The following ZNF804A variants were observed in gnomAD, a reference collection of about 807,000 sequenced individuals.
ZNF804A encodes zinc finger protein 804A.
A neutral mutation model predicts 16.5 loss-of-function variants in ZNF804A; 2 were observed. The ratio of observed to expected loss-of-function variants is 0.12; its 90% CI spans 0.05 to 0.38. ZNF804A has a LOEUF of 0.38. ZNF804A is among the 10% of genes least tolerant of loss of function. The pLI is 0.99. For synonymous variants in ZNF804A, 534 were observed against 489.6 expected (o/e 1.09, Z -1.20); for missense variants, 1,473 against 1,390.7 (o/e 1.06, Z -0.94).
At chr2:184,922,231 G>T (rs1413853816) in intron 2 of ZNF804A, among the ~76,000 whole-genome samples, 2 of 152,006 alleles carry the variant, frequency 1.3e-5, no homozygotes, top group African/African-American at 4.8e-5. Context: ...GTGTACAAGG[G>T]TTCCTTTTCC....
chr2:184,736,535 G>A (rs1006805864), intron 1 of ZNF804A, among the ~76,000 whole-genome samples: 2 of 152,024 alleles, frequency 1.3e-5, no homozygotes, highest in African/African-American at 4.8e-5. Context: ...GTTCAACGAT[G>A]GGAACACATG....
At chr2:184,926,308 T>C (rs1685612278) in intron 2 of ZNF804A, among the ~76,000 whole-genome samples, 1 of 151,934 alleles carries the variant, frequency 6.6e-6, no homozygotes, top group African/African-American at 2.4e-5. Flanking sequence ...CCTTAAGCAC[T>C]TTAAATACAT....
intron 1 of ZNF804A, among the ~76,000 whole-genome samples, chr2:184,785,941 C>T (rs72903735): frequency 0.05 from 7,632 of 152,026 alleles, 251 homozygotes; most frequent in Middle Eastern, 0.078. Flanking sequence ...CCAGCAGAAT[C>T]TGGGGCAGAA....
chr2:184,927,257 C>T (rs902719815), intron 2 of ZNF804A, among the ~76,000 whole-genome samples: 12 of 152,208 alleles, frequency 7.9e-5, no homozygotes, highest in African/African-American at 2.4e-4. Flanking sequence ...AGAGATACCA[C>T]CTCCAAGGTC....
At chr2:184,929,095 G>A (rs1235589125) in intron 2 of ZNF804A, among the ~76,000 whole-genome samples, 2 of 152,126 alleles carry the variant, frequency 1.3e-5, no homozygotes, top group African/African-American at 4.8e-5. Flanking sequence ...GATTAGTGGA[G>A]CCTTCTATTC....
chr2:184,847,170 C>T (rs1695532651), intron 1 of ZNF804A, among the ~76,000 whole-genome samples: 1 of 152,086 alleles, frequency 6.6e-6, no homozygotes, highest in South Asian at 2.1e-4. Flanking sequence ...CTCAATTTAG[C>T]TCGCCAGAGG....
chr2:184,861,973 T>C (rs753534040), intron 1 of ZNF804A, among the ~76,000 whole-genome samples: 1 of 152,172 alleles, frequency 6.6e-6, no homozygotes, highest in Non-Finnish European at 1.5e-5. Flanking sequence ...TACATATATG[T>C]AAAAAGTGCT....
chr2:184,680,655 T>C (rs1252536208), intron 1 of ZNF804A, among the ~76,000 whole-genome samples: 2 of 152,252 alleles, frequency 1.3e-5, no homozygotes, highest in African/African-American at 2.4e-5. Context: ...AACACCTCTT[T>C]GTCTTGCTCA....
In ZNF804A at chr2:184,937,319, G is replaced by T. The variant is rs769617739; in HGVS notation, c.1923G>T (p.Lys641Asn). ...GKYLLEPISE[K>N]QYLAAEQLLD... ...ATCTATTGGAACCAATTTCAGAAAA[G>T]CAGTATTTAGCTGCAGAGCAATTAT... The change falls in exon 4 of 4, where the codon AAG (lysine) becomes AAT (asparagine). Residue 641 changes from lysine (K) to asparagine (N), a missense_variant. By Grantham distance (94) the Lys-to-Asn change is moderately conservative. Transcript: ENST00000302277. 1 of 1,613,948 alleles carries T rather than the reference G, an allele frequency of 6.2e-7. No homozygotes were observed. Among genetic ancestry groups the T allele is most frequent in the Non-Finnish European group, 8.5e-7 (1 of 1,179,942 alleles).
In ZNF804A at chr2:184,776,028, A is replaced by G. The variant is rs150992849; in HGVS notation, c.112-90341A>G. Among the ~76,000 whole-genome samples the G allele has an allele frequency of 2.2e-3, 328 of 151,780 alleles. 1 individual carries two copies. Among genetic ancestry groups the G allele is most frequent in the Middle Eastern group, 6.8e-3 (2 of 294 alleles). On this transcript the variant is annotated intron_variant, in intron 1 of 3. Coordinates refer to ENST00000302277, the MANE Select transcript of ZNF804A (RefSeq NM_194250.2). ...AGCTAGAAACATTTATCTTTCTACA[A>G]GTATTTACTAAGCACCTTGTTTGTA...
chr2:184,907,444 T>C (rs1356314869), intron 2 of ZNF804A, among the ~76,000 whole-genome samples: 1 of 152,198 alleles, frequency 6.6e-6, no homozygotes, highest in Non-Finnish European at 1.5e-5. Flanking sequence ...GGAATATGCC[T>C]CCCTCTTCTG....
intron 1 of ZNF804A, among the ~76,000 whole-genome samples, chr2:184,754,684 T>C (rs1693932826): frequency 6.6e-6 from 1 of 151,946 alleles, no homozygotes; most frequent in Non-Finnish European, 1.5e-5. Flanking sequence ...CAGTATTTGG[T>C]ATGCAGTGTT....
intron 2 of ZNF804A, among the ~76,000 whole-genome samples, chr2:184,913,157 T>G (rs1357412278): frequency 6.6e-6 from 1 of 152,140 alleles, no homozygotes; most frequent in Non-Finnish European, 1.5e-5. Context: ...TTAGCTTAAC[T>G]TGTATTCCAA....
chr2:184,684,340 T>A (rs1692594810), intron 1 of ZNF804A, among the ~76,000 whole-genome samples: 1 of 152,184 alleles, frequency 6.6e-6, no homozygotes, highest in Non-Finnish European at 1.5e-5. Context: ...TTTATGTAAA[T>A]GAATAGGATT....
chr2:184,756,929 G>A (rs1022395035), intron 1 of ZNF804A, among the ~76,000 whole-genome samples: 6 of 151,980 alleles, frequency 3.9e-5, no homozygotes, highest in African/African-American at 1.4e-4. Flanking sequence ...AACAATTTAT[G>A]ACTTTAAAAC....
At chr2:184,773,505 A>T (rs1048599232) in intron 1 of ZNF804A, among the ~76,000 whole-genome samples, 5 of 151,992 alleles carry the variant, frequency 3.3e-5, no homozygotes, top group Non-Finnish European at 7.4e-5. Context: ...ATTCATAGCA[A>T]CCTGGTTGGA....
intron 1 of ZNF804A, among the ~76,000 whole-genome samples, chr2:184,811,628 C>T (rs1300123817): frequency 6.6e-6 from 1 of 152,008 alleles, no homozygotes; most frequent in East Asian, 1.9e-4. Flanking sequence ...CAAGAAAATC[C>T]CTTAAGGCCA....
rs150435974 is a variant in ZNF804A, at chr2:184,930,232, C to T, written c.256-3371C>T. On this transcript the variant is annotated intron_variant, in intron 2 of 3. Transcript: ENST00000302277. ...AAATTTATGAGCAAAATATTCTTGA[C>T]CTATTATACTGTAATTCTACACCTG... is the stretch of plus-strand genomic sequence containing the variant. 2.8e-3 allele frequency among the ~76,000 whole-genome samples: 420 copies of T among 152,098 alleles called. 2 individuals are homozygous for T. The highest frequency in any genetic ancestry group is 9.2e-3 in the African/African-American group (382 of 41,502).
At chr2:184,811,065 A>G (rs1215388727) in intron 1 of ZNF804A, among the ~76,000 whole-genome samples, 1 of 152,216 alleles carries the variant, frequency 6.6e-6, no homozygotes, top group African/African-American at 2.4e-5. Flanking sequence ...TTTCTAAATG[A>G]CAGGCACTGA....
Sources: allele counts gnomAD v4.1 joint callset (sites outside exome capture counted in the v4.1 genomes callset), GRCh38; gene constraint gnomAD v4.1.1; transcripts MANE v1.5; gene names NCBI Gene and HGNC (gene_info 2026-07-23, HGNC 2026-07-21).